The following GALNT18 variants were observed in gnomAD, a reference collection of about 807,000 sequenced individuals.
GALNT18 encodes GalNAc-transferase 18.
Under a neutral mutation model 69.5 loss-of-function variants are expected in GALNT18, and 44 were observed. The ratio of observed to expected loss-of-function variants is 0.63; its 90% CI spans 0.50 to 0.81. The LOEUF (loss-of-function observed/expected upper bound fraction) is 0.81, where lower values mean the gene tolerates loss of function less well. Ranked by LOEUF, GALNT18 falls within the 40% of genes least tolerant of loss-of-function variation. The probability of loss-of-function intolerance (pLI) is 0.00; values close to 1 mark genes in which losing one functional copy is unlikely to be tolerated. For synonymous variants in GALNT18, 364 were observed against 318.2 expected (o/e 1.14, Z -1.53); for missense variants, 715 against 810.0 (o/e 0.88, Z 1.42).
chr11:11,528,076 G>C (rs929016729), intron 1 of GALNT18, among the ~76,000 whole-genome samples: 3 of 152,216 alleles, frequency 2.0e-5, no homozygotes, highest in South Asian at 2.1e-4. Context: ...CTGAGTCCTA[G>C]AGAATGTTAC....
intron 1 of GALNT18, among the ~76,000 whole-genome samples, chr11:11,464,138 G>T (rs1007075675): frequency 1.3e-5 from 2 of 152,198 alleles, no homozygotes; most frequent in African/African-American, 4.8e-5. Flanking sequence ...CATCCATACT[G>T]ATAGCTCCTG....
chr11:11,286,879 A>G (rs1490927799), intron 10 of GALNT18, among the ~76,000 whole-genome samples: 1 of 152,170 alleles, frequency 6.6e-6, no homozygotes, highest in Non-Finnish European at 1.5e-5. Context: ...CTAGGTGGAA[A>G]AAACCCTTCT....
At chr11:11,401,280 C>G (rs768629495) in intron 3 of GALNT18, among the ~76,000 whole-genome samples, 1 of 152,200 alleles carries the variant, frequency 6.6e-6, no homozygotes, top group African/African-American at 2.4e-5. Flanking sequence ...AAATTTATCT[C>G]CTTTCCTAAA....
chr11:11,345,681 T>C (rs1850289523), intron 6 of GALNT18, among the ~76,000 whole-genome samples: 1 of 151,840 alleles, frequency 6.6e-6, no homozygotes, highest in Non-Finnish European at 1.5e-5. Flanking sequence ...GGACAGGGGA[T>C]GAAGTGTGGG....
chr11:11,283,335 T>C (rs10765828), intron 10 of GALNT18, among the ~76,000 whole-genome samples: 57,666 of 151,936 alleles, frequency 0.38, 11,383 homozygotes, highest in Middle Eastern at 0.52. Flanking sequence ...TTAGGAGAGA[T>C]GGAGTTTTGC....
intron 6 of GALNT18, among the ~76,000 whole-genome samples, chr11:11,369,659 T>G (rs1012231167): frequency 3.3e-5 from 5 of 152,192 alleles, no homozygotes; most frequent in African/African-American, 9.7e-5. Flanking sequence ...CCCTTAAATG[T>G]TTTCTTATGC....
intron 8 of GALNT18, among the ~76,000 whole-genome samples, chr11:11,327,705 G>A (rs1047445665): frequency 2.6e-5 from 4 of 152,252 alleles, no homozygotes; most frequent in African/African-American, 9.6e-5. Context: ...TAAGAGAGGA[G>A]GGGGCCAGGG....
In GALNT18 at chr11:11,579,371, G is replaced by C. The variant is rs540636076; in HGVS notation, c.235+41988C>G. Among the ~76,000 whole-genome samples the C allele has an allele frequency of 2.6e-5, 4 of 152,106 alleles. No individual in the cohort carries two copies. In the East Asian group the frequency reaches 7.7e-4, roughly 29 times the overall value. On this transcript the variant is annotated intron_variant, in intron 1 of 10. Coordinates refer to ENST00000227756, the MANE Select transcript of GALNT18 (RefSeq NM_198516.3). Reference sequence around the variant, plus strand: ...GCTACTCGGCTGGGCTATATGGCTTGCTCACTGGCTTGCTCACTTCAGGTA... The same window carrying C: ...GCTACTCGGCTGGGCTATATGGCTTCCTCACTGGCTTGCTCACTTCAGGTA...
chr11:11,429,394 T>C (rs578246994), intron 3 of GALNT18, among the ~76,000 whole-genome samples: 1 of 152,296 alleles, frequency 6.6e-6, no homozygotes, highest in Admixed American at 6.5e-5. Flanking sequence ...CCTTTTGACC[T>C]CCTCTCCTTC....
chr11:11,376,213 C>A (rs1002331204), intron 5 of GALNT18, among the ~76,000 whole-genome samples: 1 of 151,952 alleles, frequency 6.6e-6, no homozygotes, highest in African/African-American at 2.4e-5. Flanking sequence ...AAACCCTGTC[C>A]CTAGTAAAAA....
intron 9 of GALNT18, among the ~76,000 whole-genome samples, chr11:11,312,833 A>C (rs1223292354): frequency 6.6e-6 from 1 of 152,208 alleles, no homozygotes; most frequent in Non-Finnish European, 1.5e-5. Context: ...TAGGAAACAG[A>C]GGTGCATTGA....
At chr11:11,576,885 G>A (rs910204293) in intron 1 of GALNT18, among the ~76,000 whole-genome samples, 1 of 152,172 alleles carries the variant, frequency 6.6e-6, no homozygotes. Flanking sequence ...TGGTGTGAAC[G>A]CACACCTTTA....
At chr11:11,593,084 T>G (rs1859397881) in intron 1 of GALNT18, among the ~76,000 whole-genome samples, 1 of 152,150 alleles carries the variant, frequency 6.6e-6, no homozygotes, top group African/African-American at 2.4e-5. Flanking sequence ...CGGCTAATTT[T>G]TTGTATTTTT....
chr11:11,419,327 T>C (rs1854939842), intron 3 of GALNT18, among the ~76,000 whole-genome samples: 1 of 152,102 alleles, frequency 6.6e-6, no homozygotes, highest in Non-Finnish European at 1.5e-5. Context: ...CCAGGCATGG[T>C]GGCTCACGCC....
In GALNT18 at chr11:11,448,911, T is replaced by C; in HGVS notation, c.261A>G (p.Ala87=). The C allele has an allele frequency of 1.3e-6, 2 of 1,597,898 alleles. No homozygotes were observed. Among genetic ancestry groups the C allele is most frequent in the Non-Finnish European group, 1.7e-6 (2 of 1,172,430 alleles). The part of the protein sequence containing the change: ...IQEAPAKPEE[A]EAEPFTDSSL... ...AGGAGTCTGTGAAGGGCTCGGCCTC[T>C]GCCTCCTCAGGCTTGGCAGGAGCCT... Residue 87 remains alanine, a synonymous_variant, in exon 2 of 11, where the codon GCA becomes GCG. Coordinates refer to ENST00000227756, the MANE Select transcript of GALNT18 (RefSeq NM_198516.3).
At chr11:11,280,559 G>A (rs1172554004) in intron 10 of GALNT18, among the ~76,000 whole-genome samples, 3 of 152,122 alleles carry the variant, frequency 2.0e-5, no homozygotes, top group South Asian at 2.1e-4. Context: ...CTTCCCTTCC[G>A]GCAGGAGAGG....
At position 11,377,032 on chromosome 11, in the gene GALNT18, A is replaced by C. The variant is rs1853778491; in HGVS notation, c.977+150T>G. On this transcript the variant is annotated intron_variant, in intron 5 of 10. Transcript: ENST00000227756. The surrounding 1 kb of genome is among the most constrained non-coding windows in gnomAD (Gnocchi z 4.6). ...GAGATCTTCAGAGCCTGTGGCAGTGACTGAAGATCAGACTGCAGTTCCTTT... is the reference window on the plus strand; with the variant it reads ...GAGATCTTCAGAGCCTGTGGCAGTGCCTGAAGATCAGACTGCAGTTCCTTT... 4.6e-6 allele frequency: 3 copies of C among 651,838 alleles called. No individual in the cohort carries two copies. The highest frequency in any genetic ancestry group is 8.0e-6 in the Non-Finnish European group (3 of 376,118). The allele number at this position is 651,838 out of a possible 1,614,324, so 40.4% of individuals were successfully genotyped here.
chr11:11,350,414 C>G (rs535250744), intron 6 of GALNT18, among the ~76,000 whole-genome samples: 5 of 152,150 alleles, frequency 3.3e-5, no homozygotes, highest in Admixed American at 6.5e-5. Context: ...AGGGCTTATT[C>G]GTGGTTACCT....
Position 11,339,483 on chromosome 11 carries a change from A to T in GALNT18, c.1278+1336T>A, listed in dbSNP as rs904225159. Among the ~76,000 whole-genome samples the T allele has an allele frequency of 1.3e-5, 2 of 152,104 alleles. No homozygotes were observed. The highest frequency in any genetic ancestry group is 2.9e-5 in the Non-Finnish European group (2 of 68,016). ...AGAACCTGGGGACCTGCTATGCCTC[A>T]CTGGTGAGCTCCTGGGGAGTTTCCA... On this transcript the variant is annotated intron_variant, in intron 7 of 10. Transcript: ENST00000227756. This position sits in a 1 kb window ranked among gnomAD's most constrained non-coding sequence, Gnocchi z 5.2.
Sources: allele counts gnomAD v4.1 joint callset (sites outside exome capture counted in the v4.1 genomes callset), GRCh38; gene constraint gnomAD v4.1.1; non-coding constraint Gnocchi (gnomAD v3.1); transcripts MANE v1.5; gene names NCBI Gene and HGNC (gene_info 2026-07-23, HGNC 2026-07-21).